Variants in ADAMTS15 observed in about 807,000 individuals in gnomAD.
The protein encoded by ADAMTS15 is ADAM metallopeptidase with thrombospondin type 1 motif 15.
In ADAMTS15, 35 loss-of-function variants were observed where a neutral mutation model predicts 79.1. The ratio of observed to expected loss-of-function variants is 0.44; its 90% CI spans 0.34 to 0.59. ADAMTS15 has a LOEUF of 0.59. Among genes scored for constraint, ADAMTS15 ranks in the 20% least tolerant of loss-of-function variants. The pLI is 0.02. For missense variants in ADAMTS15, 1,324 were observed against 1,318.7 expected (o/e 1.00, Z -0.06); for synonymous variants, 616 against 567.3 (o/e 1.09, Z -1.22).
rs201255964 is a variant in ADAMTS15, at chr11:130,469,266, A to G, written c.1547A>G (p.Asp516Gly). Residue 516 changes from aspartate to glycine, a missense_variant, in exon 5 of 8, where the codon GAT (aspartate) becomes GGT (glycine). Physicochemically the swap from Asp to Gly is moderately conservative, Grantham distance 94. Coordinates refer to ENST00000299164, the MANE Select transcript of ADAMTS15 (RefSeq NM_139055.4). ...ATAACAGGCTCTTCCTCACAGGTGGATGGTTCCTGGGCCAAATGGGATCCC... is the reference window on the plus strand; with the variant it reads ...ATAACAGGCTCTTCCTCACAGGTGGGTGGTTCCTGGGCCAAATGGGATCCC... ...ERHNLNKHRV[D>G]GSWAKWDPYG... The G allele has an allele frequency of 1.0e-4, 144 of 1,396,444 alleles. No individual in the cohort carries two copies. The highest frequency in any genetic ancestry group is 1.3e-4 in the Non-Finnish European group (141 of 1,070,800). 86.5% of individuals were successfully genotyped at this position (1,396,444 alleles called of 1,614,324 possible).
At position 130,449,727 on chromosome 11, in the gene ADAMTS15, C is replaced by T; in HGVS notation, c.754C>T (p.Leu252Phe). The change falls in exon 1 of 8, where the codon CTC (leucine) becomes TTC (phenylalanine). Residue 252 changes from leucine (L) to phenylalanine (F), a missense_variant. Transcript: ENST00000299164. This position sits in a 1 kb window ranked among gnomAD's most constrained non-coding sequence, Gnocchi z 7.8. ...GACGCTGCTGGCAACGGCGGCGCGACTCTACCGCCATCCCAGCATCCTCAA... is the reference window on the plus strand; with the variant it reads ...GACGCTGCTGGCAACGGCGGCGCGATTCTACCGCCATCCCAGCATCCTCAA... ...LLTLLATAAR[L>F]YRHPSILNPI... 6.2e-7 allele frequency: 1 copy of T among 1,612,326 alleles called. No homozygotes were observed. Among genetic ancestry groups the T allele is most frequent in the African/African-American group, 1.3e-5 (1 of 75,054 alleles).
chr11:130,469,501 C>A, intron 5 of ADAMTS15, 62 bp downstream of exon 5: 1 of 1,234,292 alleles, frequency 8.1e-7, no homozygotes, highest in Non-Finnish European at 1.0e-6. Context: ...GGTCCCCCCA[C>A]CCCACCCCTA....
intron 5 of ADAMTS15, among the ~76,000 whole-genome samples, chr11:130,470,158 A>ATATATATACATATATATATATATATGTG (rs1938403785): frequency 1.6e-4 from 8 of 50,016 alleles, no homozygotes; most frequent in South Asian, 5.2e-4. Flanking sequence ...ATATGTGTAT[A>ATATATATACATATATATATATATATGTG]TATATATATA....
At chr11:130,469,517 T>C in intron 5 of ADAMTS15, 78 bp downstream of exon 5, 1 of 1,136,080 alleles carries the variant, frequency 8.8e-7, no homozygotes, top group Non-Finnish European at 1.1e-6. Flanking sequence ...CCCTACTCCA[T>C]GTAATGCATG....
At chr11:130,464,048 C>T (rs1476890368) in intron 4 of ADAMTS15, among the ~76,000 whole-genome samples, 3 of 152,148 alleles carry the variant, frequency 2.0e-5, no homozygotes, top group Middle Eastern at 3.4e-3. Flanking sequence ...CTGGGCAGGT[C>T]GGAGTGAGCT....
rs201987156 is a variant in ADAMTS15 at position 130,449,306 on chromosome 11, G to T, written c.333G>T (p.Pro111=). ...CFYSGDVNAE[P]DSFAAVSLCG... ...ATTCTGGGGACGTGAACGCCGAGCC[G>T]GACTCGTTCGCTGCTGTGAGCCTGT... is the stretch of plus-strand genomic sequence containing the variant. The change falls in exon 1 of 8, where the codon CCG becomes CCT. Residue 111 remains proline, a synonymous_variant. Transcript: ENST00000299164. The surrounding 1 kb of genome is among the most constrained non-coding windows in gnomAD (Gnocchi z 7.8). 4 of 1,610,876 alleles carry T rather than the reference G, an allele frequency of 2.5e-6. No individual in the cohort carries two copies. Among genetic ancestry groups the T allele is most frequent in the Non-Finnish European group, 3.4e-6 (4 of 1,180,014 alleles).
intron 7 of ADAMTS15, among the ~76,000 whole-genome samples, 177 bp downstream of exon 7, chr11:130,471,560 CTCATTCAT>C (rs201979154): frequency 9.2e-5 from 14 of 152,096 alleles, no homozygotes; most frequent in African/African-American, 2.9e-4. Flanking sequence ...CATTCATTCA[CTCATTCAT>C]TCATTCATTC....
At chr11:130,461,020 A>C (rs1486365141) in intron 1 of ADAMTS15, among the ~76,000 whole-genome samples, 1 of 152,076 alleles carries the variant, frequency 6.6e-6, no homozygotes, top group Non-Finnish European at 1.5e-5. Context: ...ATCTTAACTT[A>C]ATTCATGGTT....
Position 130,462,139 on chromosome 11 carries a change from T to C in ADAMTS15, c.1143T>C (p.Phe381=). 1 of 1,614,090 alleles carries C rather than the reference T, an allele frequency of 6.2e-7. No homozygotes were observed. The highest frequency in any genetic ancestry group is 8.5e-7 in the Non-Finnish European group (1 of 1,180,000). ...ATGTGAAAGTCTGTGAGGAGGTGTTTGGGAAGCTCCGAGCCAACCACATGA... is the reference window on the plus strand; with the variant it reads ...ATGTGAAAGTCTGTGAGGAGGTGTTCGGGAAGCTCCGAGCCAACCACATGA... ...HDNVKVCEEV[F]GKLRANHMMS... The change falls in exon 3 of 8, where the codon TTT becomes TTC. Residue 381 remains phenylalanine (F), a synonymous_variant. Coordinates refer to ENST00000299164, the MANE Select transcript of ADAMTS15 (RefSeq NM_139055.4). The surrounding 1 kb of genome is among the most constrained non-coding windows in gnomAD (Gnocchi z 4.3).
chr11:130,471,149 G>T (rs767026689), intron 6 of ADAMTS15, 48 bp downstream of exon 6: 5 of 1,593,078 alleles, frequency 3.1e-6, no homozygotes, highest in South Asian at 2.3e-5. Flanking sequence ...AGGTCTTCCG[G>T]GGAGCATCAG....
chr11:130,470,131 T>C (rs1485347506), intron 5 of ADAMTS15, among the ~76,000 whole-genome samples: 34 of 87,654 alleles, frequency 3.9e-4, no homozygotes, highest in African/African-American at 7.6e-4. Flanking sequence ...TATATATATA[T>C]ACATATATAT....
Position 130,469,245 on chromosome 11 carries a change from C to T in ADAMTS15, c.1543-17C>T. On this transcript the variant is annotated splice_polypyrimidine_tract_variant and intron_variant, in intron 4 of 7. Transcript: ENST00000299164. Reference sequence around the variant, plus strand: ...CACCTGGATCCACCAAGGAATATAACAGGCTCTTCCTCACAGGTGGATGGT... The same window carrying T: ...CACCTGGATCCACCAAGGAATATAATAGGCTCTTCCTCACAGGTGGATGGT... 1.4e-6 allele frequency: 2 copies of T among 1,380,988 alleles called. No homozygotes were observed. Among genetic ancestry groups the T allele is most frequent in the Non-Finnish European group, 1.9e-6 (2 of 1,061,440 alleles). The allele number at this position is 1,380,988 out of a possible 1,614,324, so 85.5% of individuals were successfully genotyped here.
chr11:130,451,749 ACTC>A (rs369497921), intron 1 of ADAMTS15, among the ~76,000 whole-genome samples: 118 of 151,938 alleles, frequency 7.8e-4, no homozygotes, highest in African/African-American at 2.7e-3. Context: ...TAGGAGAAGA[ACTC>A]CTGCTGGGAA....
intron 1 of ADAMTS15, among the ~76,000 whole-genome samples, chr11:130,456,530 T>G (rs571577360): frequency 1.3e-5 from 2 of 152,208 alleles, no homozygotes; most frequent in Non-Finnish European, 2.9e-5. Context: ...TCCTTGGGGA[T>G]TACAAACAGA....
intron 4 of ADAMTS15, among the ~76,000 whole-genome samples, chr11:130,466,937 G>A (rs376665358): frequency 2.0e-5 from 3 of 152,222 alleles, no homozygotes; most frequent in East Asian, 1.9e-4. Flanking sequence ...ATCCAGAGCA[G>A]CCCTTCCCAA....
chr11:130,470,168 A>ACG lies in ADAMTS15; in HGVS notation c.1720+729_1720+730insCG, dbSNP rs1289468941. ...TATATATATGTGTATATATATATAT[A>ACG]TATATATATATATGTGTGTATATAT... On this transcript the variant is annotated intron_variant, in intron 5 of 7. Coordinates refer to ENST00000299164, the MANE Select transcript of ADAMTS15 (RefSeq NM_139055.4). 6.0e-4 allele frequency among the ~76,000 whole-genome samples: 35 copies of ACG among 58,666 alleles called. 1 individual carries two copies. The highest frequency in any genetic ancestry group is 3.3e-3 in the African/African-American group (33 of 9,926). The allele number at this position is 58,666 out of a possible 152,430, so 38.5% of individuals were successfully genotyped here.
At chr11:130,464,107 C>T (rs1938257248) in intron 4 of ADAMTS15, among the ~76,000 whole-genome samples, 1 of 152,122 alleles carries the variant, frequency 6.6e-6, no homozygotes. Context: ...TCAGGAAGGT[C>T]ATTTGGGGCC....
At chr11:130,454,735 G>C (rs938271428) in intron 1 of ADAMTS15, among the ~76,000 whole-genome samples, 2 of 152,308 alleles carry the variant, frequency 1.3e-5, no homozygotes, top group African/African-American at 2.4e-5. Context: ...GTTCCCTGTC[G>C]TGCAGGATGA....
In ADAMTS15 at chr11:130,449,481, C is replaced by G. The variant is rs1159803671; in HGVS notation, c.508C>G (p.Pro170Ala). Residue 170 changes from proline to alanine, a missense_variant, in exon 1 of 8, where the codon CCC becomes GCC. By Grantham distance (27) the Pro-to-Ala change is conservative. Transcript: ENST00000299164. This position sits in a 1 kb window ranked among gnomAD's most constrained non-coding sequence, Gnocchi z 7.8. ...TGTTCCGGGCGGGCCTTCCGGAGAC[C>G]CCACCTCTCGCTGCGGGGTGGCCTC... The part of the protein sequence containing the change: ...RGVPGGPSGD[P>A]TSRCGVASGW... 6.4e-7 allele frequency: 1 copy of G among 1,561,990 alleles called. No homozygotes were observed. Among genetic ancestry groups the G allele is most frequent in the African/African-American group, 1.4e-5 (1 of 73,988 alleles).
Sources: allele counts gnomAD v4.1 joint callset (sites outside exome capture counted in the v4.1 genomes callset), GRCh38; gene constraint gnomAD v4.1.1; non-coding constraint Gnocchi (gnomAD v3.1); transcripts MANE v1.5; gene names NCBI Gene and HGNC (gene_info 2026-07-23, HGNC 2026-07-21).